The following DYNC1I1 variants were observed in gnomAD, a reference collection of about 807,000 sequenced individuals.
The protein encoded by DYNC1I1 is dynein cytoplasmic 1 intermediate chain 1, also known as cytoplasmic dynein 1 intermediate chain 1.
DYNC1I1 carries 43 observed loss-of-function variants against 86.6 expected under a neutral mutation model. That is an observed-to-expected ratio of 0.50 (90% CI 0.39 to 0.64). The LOEUF (loss-of-function observed/expected upper bound fraction) is 0.64. Among genes scored for constraint, DYNC1I1 ranks in the 30% least tolerant of loss-of-function variants. DYNC1I1 has a pLI of 0.00. For missense variants in DYNC1I1, 604 were observed against 788.8 expected (o/e 0.77, Z 2.81); for synonymous variants, 262 against 283.7 (o/e 0.92, Z 0.77).
Position 95,813,294 on chromosome 7 carries a change from G to T in DYNC1I1, c.271G>T (p.Glu91Ter). The change falls in exon 4 of 17, where the codon GAA becomes TAA. Residue 91 changes from glutamate to a stop codon, truncating the protein, a stop_gained. Transcript: ENST00000447467. LOFTEE classifies it high-confidence loss of function. ...CTCGAAATCAGTGAGCACTCCCAGT[G>T]AAGCTGGAAGCCAAGACTCAGGCGA... ...PSSKSVSTPS[E>*]AGSQDSGDLG... The T allele has an allele frequency of 6.2e-7, 1 of 1,611,920 alleles. No homozygotes were observed. Among genetic ancestry groups the T allele is most frequent in the Non-Finnish European group, 8.5e-7 (1 of 1,179,396 alleles).
intron 6 of DYNC1I1, 69 bp from the exon 7 acceptor site, chr7:95,977,443 C>T: frequency 6.8e-7 from 1 of 1,471,328 alleles, no homozygotes; most frequent in Non-Finnish European, 9.3e-7. Context: ...ACCCCTACCT[C>T]CCACTATCAA....
chr7:95,910,138 T>C (rs1332872124), intron 6 of DYNC1I1, among the ~76,000 whole-genome samples: 1 of 152,222 alleles, frequency 6.6e-6, no homozygotes, highest in African/African-American at 2.4e-5. Flanking sequence ...CTATCTGAAT[T>C]GGAGGACTCA....
intron 16 of DYNC1I1, among the ~76,000 whole-genome samples, chr7:96,088,004 AAAAG>A: frequency 6.6e-6 from 1 of 152,298 alleles, no homozygotes; most frequent in East Asian, 1.9e-4. Context: ...CTTAATTTAA[AAAAG>A]AAAAGGCGCA....
chr7:96,083,257 A>C (rs942769176), intron 16 of DYNC1I1, among the ~76,000 whole-genome samples: 1 of 152,186 alleles, frequency 6.6e-6, no homozygotes, highest in African/African-American at 2.4e-5. Context: ...CTCAGACTTA[A>C]CAAAATAATT....
At chr7:95,916,852 A>G (rs1562943140) in intron 6 of DYNC1I1, among the ~76,000 whole-genome samples, 1 of 152,220 alleles carries the variant, frequency 6.6e-6, no homozygotes. Flanking sequence ...ATCTTAATTC[A>G]GTCAAAGCAA....
At chr7:95,956,182 C>T (rs1792704825) in intron 6 of DYNC1I1, among the ~76,000 whole-genome samples, 1 of 152,056 alleles carries the variant, frequency 6.6e-6, no homozygotes, top group Non-Finnish European at 1.5e-5. Flanking sequence ...TTTCAATGCA[C>T]TCAGCCCACA....
intron 1 of DYNC1I1, among the ~76,000 whole-genome samples, chr7:95,777,449 C>T (rs575570016): frequency 8.5e-5 from 13 of 152,306 alleles, no homozygotes; most frequent in Non-Finnish European, 1.5e-4. Flanking sequence ...TGTCATGATC[C>T]GGAACACTGA....
chr7:95,980,490 G>C (rs1004166008), intron 7 of DYNC1I1, among the ~76,000 whole-genome samples: 1 of 138,982 alleles, frequency 7.2e-6, no homozygotes, highest in Non-Finnish European at 1.5e-5. Context: ...GCTGAAACTT[G>C]ACATACACAG....
chr7:95,923,342 A>G (rs951524478), intron 6 of DYNC1I1, among the ~76,000 whole-genome samples: 3 of 152,152 alleles, frequency 2.0e-5, no homozygotes, highest in Non-Finnish European at 4.4e-5. Context: ...AGCAATCTGA[A>G]AGAGTCACTG....
intron 16 of DYNC1I1, among the ~76,000 whole-genome samples, chr7:96,107,869 G>GTTTTTTTT (rs1178550637): frequency 3.4e-5 from 4 of 119,062 alleles, no homozygotes; most frequent in Non-Finnish European, 5.2e-5. Context: ...TCATTGACAG[G>GTTTTTTTT]TTTTTTTTTT....
intron 6 of DYNC1I1, among the ~76,000 whole-genome samples, chr7:95,934,920 G>GT (rs927362207): frequency 9.7e-4 from 144 of 148,886 alleles, no homozygotes; most frequent in Middle Eastern, 3.5e-3. Context: ...TTTGTTCTTC[G>GT]TTTTTTTTTG....
At chr7:95,820,978 A>G (rs1162119661) in intron 4 of DYNC1I1, among the ~76,000 whole-genome samples, 2 of 152,238 alleles carry the variant, frequency 1.3e-5, no homozygotes, top group African/African-American at 4.8e-5. Flanking sequence ...CACGCTGAGT[A>G]AGACTGAGTT....
intron 16 of DYNC1I1, among the ~76,000 whole-genome samples, chr7:96,087,162 C>T (rs769617738): frequency 6.6e-6 from 1 of 152,164 alleles, no homozygotes; most frequent in Admixed American, 6.5e-5. Flanking sequence ...ACAGGGCCTA[C>T]ATCAATTCTC....
chr7:96,092,251 T>TA (rs1044904707), intron 16 of DYNC1I1, among the ~76,000 whole-genome samples: 10 of 151,282 alleles, frequency 6.6e-5, no homozygotes, highest in Non-Finnish European at 1.2e-4. Context: ...AGAAAGAAAA[T>TA]AAAAAAATTG....
intron 5 of DYNC1I1, among the ~76,000 whole-genome samples, chr7:95,856,711 T>G (rs1403735608): frequency 6.6e-6 from 1 of 152,204 alleles, no homozygotes; most frequent in African/African-American, 2.4e-5. Flanking sequence ...CCGGGTGTGG[T>G]GGCTCACGCC....
At chr7:96,105,242 C>T (rs1350238104) in intron 16 of DYNC1I1, among the ~76,000 whole-genome samples, 2 of 151,772 alleles carry the variant, frequency 1.3e-5, no homozygotes, top group East Asian at 1.9e-4. Context: ...ACTACATACA[C>T]AATTATGCCA....
intron 14 of DYNC1I1, among the ~76,000 whole-genome samples, chr7:96,071,888 T>A (rs866950530): frequency 6.6e-6 from 1 of 152,178 alleles, no homozygotes; most frequent in South Asian, 2.1e-4. Flanking sequence ...TTGTCTTTTT[T>A]AAATAAGGAC....
intron 1 of DYNC1I1, among the ~76,000 whole-genome samples, chr7:95,798,856 G>A (rs1794509510): frequency 6.6e-6 from 1 of 152,124 alleles, no homozygotes; most frequent in African/African-American, 2.4e-5. Context: ...ATGATGATAT[G>A]TGCAGAAATA....
At chr7:95,831,974 T>C (rs1301107529) in intron 5 of DYNC1I1, among the ~76,000 whole-genome samples, 2 of 151,834 alleles carry the variant, frequency 1.3e-5, no homozygotes, top group African/African-American at 2.4e-5. Context: ...TTTTCTTTTT[T>C]TTTATTATTA....
Sources: allele counts gnomAD v4.1 joint callset (sites outside exome capture counted in the v4.1 genomes callset), GRCh38; gene constraint gnomAD v4.1.1; transcripts MANE v1.5; gene names NCBI Gene and HGNC (gene_info 2026-07-23, HGNC 2026-07-21).